Variants in CLASP1 observed in about 807,000 individuals in gnomAD.
The protein encoded by CLASP1 is cytoplasmic linker associated protein 1.
CLASP1 carries 38 observed loss-of-function variants against 192.3 expected under a neutral mutation model. That is an observed-to-expected ratio of 0.20 (90% CI 0.15 to 0.26). The LOEUF (loss-of-function observed/expected upper bound fraction) is 0.26. Ranked by LOEUF, CLASP1 falls within the 10% of genes least tolerant of loss-of-function variation. The pLI, the probability that CLASP1 is intolerant of heterozygous loss-of-function variation, is 1.00. For synonymous variants in CLASP1, 691 were observed against 712.8 expected (o/e 0.97, Z 0.49); for missense variants, 1,433 against 1,932.5 (o/e 0.74, Z 4.85).
rs374251371 is a variant in CLASP1, at chr2:121,448,342, A to G, written c.1692-17T>C. On this transcript the variant is annotated splice_polypyrimidine_tract_variant and intron_variant, in intron 17 of 39. Transcript: ENST00000263710. ...AGCGGACGACTAAAAGTAAAGATGT[A>G]TATTATTTATTACATGTACTGTACC... 18 of 1,576,854 alleles carry G rather than the reference A, an allele frequency of 1.1e-5. No individual in the cohort carries two copies. In the East Asian group the frequency reaches 1.8e-4, roughly 16 times the overall value.
At chr2:121,531,017 T>A (rs73950986) in intron 2 of CLASP1, 2 of 700,008 alleles carry the variant, frequency 2.9e-6, no homozygotes, top group African/African-American at 1.7e-5. Context: ...AATGAAAACC[T>A]GTTTTCATAG....
At chr2:121,397,014 G>T in intron 30 of CLASP1, 126 bp downstream of exon 31, 1 of 838,128 alleles carries the variant, frequency 1.2e-6, no homozygotes, top group South Asian at 1.6e-5. Flanking sequence ...AGAGAAAAGG[G>T]CAACAGCAGA....
rs187212954 is a variant in CLASP1 at position 121,386,089 on chromosome 2, A to T, written c.3374+1033T>A. On this transcript the variant is annotated intron_variant, in intron 32 of 39. Coordinates refer to ENST00000263710, the Ensembl canonical transcript of CLASP1. ...GGAAAACACAAATTTCTTATGTTCC[A>T]AAGTATTTAAAGGATATGAGGAACT... 1.3e-4 allele frequency among the ~76,000 whole-genome samples: 20 copies of T among 152,360 alleles called. No individual in the cohort carries two copies. In the East Asian group the frequency reaches 3.9e-3, roughly 29 times the overall value.
chr2:121,609,487 C>G (rs951342391), intron 1 of CLASP1, among the ~76,000 whole-genome samples: 2 of 152,122 alleles, frequency 1.3e-5, no homozygotes, highest in African/African-American at 2.4e-5. Context: ...TACACTTATT[C>G]TTATTAAACT....
At chr2:121,526,022 T>A in intron 5 of CLASP1, 102 bp from the exon 6 acceptor site, 1 of 760,736 alleles carries the variant, frequency 1.3e-6, no homozygotes, top group East Asian at 2.6e-5. Context: ...CCAATCCCCA[T>A]CACCACCTCA....
exon 24 of CLASP1, chr2:121,410,932 A>C (rs2077606662): frequency 6.2e-7 from 1 of 1,611,428 alleles, no homozygotes; most frequent in African/African-American, 1.3e-5. Context: ...CATTCACAGA[A>C]CCAGGTATTC....
At chr2:121,511,043 G>A (rs913908183) in intron 7 of CLASP1, among the ~76,000 whole-genome samples, 4 of 152,022 alleles carry the variant, frequency 2.6e-5, no homozygotes, top group African/African-American at 4.8e-5. Context: ...CTGGCAGAGA[G>A]GTTAGCAAGT....
At chr2:121,556,108 C>G (rs1241457815) in intron 2 of CLASP1, among the ~76,000 whole-genome samples, 3 of 145,854 alleles carry the variant, frequency 2.1e-5, no homozygotes, top group Non-Finnish European at 4.5e-5. Context: ...CTCAGCCTTC[C>G]AAGTAGCTGG....
intron 1 of CLASP1, among the ~76,000 whole-genome samples, chr2:121,616,382 G>A (rs535708220): frequency 2.6e-5 from 4 of 152,152 alleles, no homozygotes; most frequent in African/African-American, 9.6e-5. Flanking sequence ...GGGAGGCGGA[G>A]GTTGCAGTGA....
intron 25 of CLASP1, among the ~76,000 whole-genome samples, chr2:121,406,493 T>G: frequency 6.6e-6 from 1 of 152,234 alleles, no homozygotes; most frequent in East Asian, 1.9e-4. Flanking sequence ...TTTTATGTTT[T>G]AACCTGAACT....
chr2:121,538,410 C>T (rs961721916), intron 2 of CLASP1, among the ~76,000 whole-genome samples: 2 of 150,804 alleles, frequency 1.3e-5, no homozygotes, highest in Non-Finnish European at 2.9e-5. Context: ...AAAACTCCGT[C>T]TCAAAAAATT....
At chr2:121,539,432 T>G (rs1453486514) in intron 2 of CLASP1, among the ~76,000 whole-genome samples, 15 of 152,216 alleles carry the variant, frequency 9.9e-5, no homozygotes, top group Admixed American at 8.5e-4. Flanking sequence ...CTGGATCAAC[T>G]GAATATCTAC....
intron 14 of CLASP1, among the ~76,000 whole-genome samples, chr2:121,454,791 A>G (rs2086275609): frequency 6.6e-6 from 1 of 152,236 alleles, no homozygotes; most frequent in African/African-American, 2.4e-5. Context: ...TGCCTTACGC[A>G]AGGAAAAACA....
chr2:121,472,760 T>G (rs572009881), intron 8 of CLASP1, among the ~76,000 whole-genome samples: 2 of 152,196 alleles, frequency 1.3e-5, no homozygotes, highest in African/African-American at 4.8e-5. Flanking sequence ...TTCTTAGAGT[T>G]TACACAAGTA....
chr2:121,339,634 A>G (rs1224262569), exon 40 of CLASP1: 3 of 152,220 alleles, frequency 2.0e-5, no homozygotes, highest in Non-Finnish European at 2.9e-5. Flanking sequence ...CTGAGGAGGA[A>G]GAGAGACTCT....
At chr2:121,366,420 C>T (rs1216799071) in intron 35 of CLASP1, among the ~76,000 whole-genome samples, 3 of 152,214 alleles carry the variant, frequency 2.0e-5, no homozygotes, top group Non-Finnish European at 4.4e-5. Context: ...ACAGCCATTT[C>T]TGCTTTCAAA....
chr2:121,580,666 C>A (rs1262743142), intron 2 of CLASP1, among the ~76,000 whole-genome samples: 1 of 152,192 alleles, frequency 6.6e-6, no homozygotes, highest in Non-Finnish European at 1.5e-5. Flanking sequence ...AATATTTGTA[C>A]ACATTTATCT....
At chr2:121,356,043 C>A (rs563693624) in intron 37 of CLASP1, among the ~76,000 whole-genome samples, 1 of 152,166 alleles carries the variant, frequency 6.6e-6, no homozygotes, top group African/African-American at 2.4e-5. Flanking sequence ...TTAAAGGTTT[C>A]TTTTAGCACA....
Position 121,365,301 on chromosome 2 carries a change from G to C in CLASP1, c.3887-17C>G, listed in dbSNP as rs771519375. On this transcript the variant is annotated splice_polypyrimidine_tract_variant and intron_variant, in intron 35 of 39. Transcript: ENST00000263710. Reference sequence around the variant, plus strand: ...CGATGGGCACTGGTGAAACACACCAGACATACGTCACCTCGTGAGGAAATG... The same window carrying C: ...CGATGGGCACTGGTGAAACACACCACACATACGTCACCTCGTGAGGAAATG... The C allele has an allele frequency of 4.4e-6, 7 of 1,606,082 alleles. No homozygotes were observed. In the African/African-American group the frequency reaches 9.4e-5, roughly 21 times the overall value.
Sources: allele counts gnomAD v4.1 joint callset (sites outside exome capture counted in the v4.1 genomes callset), GRCh38; gene constraint gnomAD v4.1.1; transcripts MANE v1.5; gene names NCBI Gene and HGNC (gene_info 2026-07-23, HGNC 2026-07-21).